AP3B2: variants seen among roughly 807,000 people sequenced by gnomAD.
AP3B2 encodes adaptor related protein complex 3 subunit beta 2.
AP3B2 carries 50 observed loss-of-function variants against 126.9 expected under a neutral mutation model. The ratio of observed to expected loss-of-function variants is 0.39; its 90% CI spans 0.31 to 0.50. AP3B2 has a LOEUF of 0.50. Ranked by LOEUF, AP3B2 falls within the 20% of genes least tolerant of loss-of-function variation. The pLI, the probability that AP3B2 is intolerant of heterozygous loss-of-function variation, is 0.79. For missense variants in AP3B2, 1,177 were observed against 1,426.4 expected (o/e 0.83, Z 2.82); for synonymous variants, 541 against 565.0 (o/e 0.96, Z 0.60).
chr15:82,664,068 G>A lies in AP3B2; in HGVS notation c.2262-93C>T, dbSNP rs1596167649. ...AGAAATGCTGAAAAGCTGGAGTGGT[G>A]TGGGGAGCCTGAGCCAGGAGGGTTC... On this transcript the variant is annotated intron_variant, in intron 19 of 26. Coordinates refer to ENST00000535359, the MANE Select transcript of AP3B2 (RefSeq NM_001278512.2). This position sits in a 1 kb window ranked among gnomAD's most constrained non-coding sequence, Gnocchi z 4.5. The A allele has an allele frequency of 1.3e-6, 2 of 1,486,956 alleles. No individual in the cohort carries two copies. Among genetic ancestry groups the A allele is most frequent in the East Asian group, 2.4e-5 (1 of 41,362 alleles). The allele number at this position is 1,486,956 out of a possible 1,614,324, so 92.1% of individuals were successfully genotyped here. A position where few individuals can be genotyped will look rare whatever the true frequency, so the allele number is the denominator to read the frequency against.
chr15:82,666,716 T>C, intron 15 of AP3B2, 31 bp downstream of exon 15: 1 of 1,605,792 alleles, frequency 6.2e-7, no homozygotes, highest in Non-Finnish European at 8.5e-7. Context: ...TCCATTCCCC[T>C]AGGAAGGTTA....
At chr15:82,683,651 G>C (rs917723143) in intron 4 of AP3B2, among the ~76,000 whole-genome samples, 5 of 152,026 alleles carry the variant, frequency 3.3e-5, no homozygotes, top group African/African-American at 1.2e-4. Context: ...ATCTATAATG[G>C]TAAACCTTTC....
chr15:82,660,824 G>T (rs916648260), intron 25 of AP3B2, among the ~76,000 whole-genome samples: 4 of 152,136 alleles, frequency 2.6e-5, no homozygotes, highest in African/African-American at 9.7e-5. Context: ...CTTTCCAGAA[G>T]TGAGATCCTT....
rs777880981 is a variant in AP3B2 at position 82,664,869 on chromosome 15, C to G, written c.2103G>C (p.Glu701Asp). The G allele has an allele frequency of 1.2e-6, 2 of 1,602,984 alleles. No individual in the cohort carries two copies. Among genetic ancestry groups the G allele is most frequent in the Middle Eastern group, 1.7e-4 (1 of 6,052 alleles). Residue 701 changes from glutamate to aspartate, a missense_variant, in exon 18 of 27, where the codon GAG becomes GAC. Physicochemically the swap from Glu to Asp is conservative, Grantham distance 45. This residue lies in a region of AP3B2 where 587 missense variants were observed against 571.3 expected (regional missense o/e 1.03). Coordinates refer to ENST00000535359, the MANE Select transcript of AP3B2 (RefSeq NM_001278512.2). The surrounding 1 kb of genome is among the most constrained non-coding windows in gnomAD (Gnocchi z 4.5). ...CGGACTCCGTGGGGCCTGACTCCCC[C>G]TCAGAGTCCGAGTAGAAGGGTTTTT... ...EKEKPFYSDS[E>D]GESGPTESAD... is the part of the protein sequence containing the mutation.
At chr15:82,682,948 G>A (rs1401169705) in intron 4 of AP3B2, among the ~76,000 whole-genome samples, 1 of 146,674 alleles carries the variant, frequency 6.8e-6, no homozygotes, top group East Asian at 2.0e-4. Flanking sequence ...ATTGAAGTCA[G>A]TCCTCTTAAA....
chr15:82,707,846 G>A (rs1345339269), intron 1 of AP3B2, among the ~76,000 whole-genome samples: 1 of 151,890 alleles, frequency 6.6e-6, no homozygotes, highest in Non-Finnish European at 1.5e-5. Flanking sequence ...CACAGAATCT[G>A]CCTTCAGCTT....
Position 82,661,918 on chromosome 15 carries a change from G to C in AP3B2, c.2923C>G (p.Gln975Glu), listed in dbSNP as rs369739441. ...ATGGAGACGTAGAACTGTCGGGTCT[G>C]GGTGCTGGGAGGGGTGGGAGGAAAC... Reference protein sequence around the residue: ...TQAANFQLCTQTRQFYVSIQP... With the variant: ...TQAANFQLCTETRQFYVSIQP... Residue 975 changes from glutamine (Q) to glutamate (E), a missense_variant, in exon 25 of 27, where the codon CAG (glutamine) becomes GAG (glutamate). Physicochemically the swap from Gln to Glu is conservative, Grantham distance 29 (BLOSUM62 2). Around this residue, in one of 5 missense-constraint regions of AP3B2, gnomAD observed 587 missense variants for 571.3 expected, o/e 1.03. Coordinates refer to ENST00000535359, the MANE Select transcript of AP3B2 (RefSeq NM_001278512.2). 119 of 1,613,606 alleles carry C rather than the reference G, an allele frequency of 7.4e-5. No homozygotes were observed. Among genetic ancestry groups the C allele is most frequent in the Non-Finnish European group, 8.7e-5 (103 of 1,179,784 alleles).
chr15:82,681,114 T>C lies in AP3B2; in HGVS notation c.586A>G (p.Thr196Ala). Residue 196 changes from threonine to alanine, a missense_variant and splice_region_variant, in exon 6 of 27, where the codon ACG (threonine) becomes GCG (alanine). Coordinates refer to ENST00000535359, the MANE Select transcript of AP3B2 (RefSeq NM_001278512.2). The surrounding 1 kb of genome is among the most constrained non-coding windows in gnomAD (Gnocchi z 4.0). ...VIEKLLADKT[T>A]LVAGSVVMAF... ...CCGGAGCGCCCCTATACACGCACCGTGGTCTTGTCAGCCAGAAGCTTCTCA... is the reference window on the plus strand; with the variant it reads ...CCGGAGCGCCCCTATACACGCACCGCGGTCTTGTCAGCCAGAAGCTTCTCA... 6.2e-7 allele frequency: 1 copy of C among 1,613,578 alleles called. No homozygotes were observed. The highest frequency in any genetic ancestry group is 8.5e-7 in the Non-Finnish European group (1 of 1,179,720).
At chr15:82,708,853 T>G (rs1363508125) in intron 1 of AP3B2, 1 of 152,502 alleles carries the variant, frequency 6.6e-6, no homozygotes, top group Non-Finnish European at 1.5e-5. Flanking sequence ...CACTCGACTG[T>G]CCCTGACTGC....
intron 4 of AP3B2, chr15:82,686,263 A>C (rs993351611): frequency 2.0e-5 from 3 of 152,222 alleles, no homozygotes; most frequent in African/African-American, 7.2e-5. Context: ...TGCCAGTCAG[A>C]GGTTTGATTC....
At position 82,664,862 on chromosome 15, in the gene AP3B2, A is replaced by G; in HGVS notation, c.2110T>C (p.Ser704Pro). The stretch of plus-strand genomic sequence containing the variant: ...CTGTCTGCGGACTCCGTGGGGCCTG[A>G]CTCCCCCTCAGAGTCCGAGTAGAAG... The part of the protein sequence containing the change: ...KPFYSDSEGE[S>P]GPTESADSDP... Residue 704 changes from serine (S) to proline (P), a missense_variant, in exon 18 of 27, where the codon TCA becomes CCA. Coordinates refer to ENST00000535359, the MANE Select transcript of AP3B2 (RefSeq NM_001278512.2). The surrounding 1 kb of genome is among the most constrained non-coding windows in gnomAD (Gnocchi z 4.5). 6.3e-7 allele frequency: 1 copy of G among 1,599,800 alleles called. No homozygotes were observed. Among genetic ancestry groups the G allele is most frequent in the Non-Finnish European group, 8.5e-7 (1 of 1,173,334 alleles).
chr15:82,696,151 T>TA (rs2048625984), intron 1 of AP3B2, among the ~76,000 whole-genome samples: 1 of 152,196 alleles, frequency 6.6e-6, no homozygotes, highest in South Asian at 2.1e-4. Context: ...CATTTTAACT[T>TA]AATCACCTCA....
Position 82,665,439 on chromosome 15 carries a change from A to G in AP3B2, c.1971+18T>C, listed in dbSNP as rs1379970864. 3.9e-6 allele frequency: 6 copies of G among 1,533,056 alleles called. No individual in the cohort carries two copies. In the African/African-American group the frequency reaches 4.6e-5, roughly 12 times the overall value. The allele number at this position is 1,533,056 out of a possible 1,614,324, so 95.0% of individuals were successfully genotyped here. A position where few individuals can be genotyped will look rare whatever the true frequency, so the allele number is the denominator to read the frequency against. ...CACACACACACACACACACACTTCA[A>G]CCCTCCACCCCGCTGACCTCCACGT... is the stretch of plus-strand genomic sequence containing the variant. On this transcript the variant is annotated intron_variant, in intron 16 of 26. Coordinates refer to ENST00000535359, the MANE Select transcript of AP3B2 (RefSeq NM_001278512.2). The surrounding 1 kb of genome is among the most constrained non-coding windows in gnomAD (Gnocchi z 4.4).
At chr15:82,679,877 C>T (rs2048304225) in intron 9 of AP3B2, 77 bp from the exon 10 acceptor site, 1 of 1,347,314 alleles carries the variant, frequency 7.4e-7, no homozygotes, top group African/African-American at 1.4e-5. Flanking sequence ...CCCCTCCTAT[C>T]CTGACCCAGC....
intron 1 of AP3B2, chr15:82,691,837 A>G: frequency 1.5e-6 from 2 of 1,364,324 alleles, no homozygotes; most frequent in South Asian, 2.3e-5. Context: ...TGCTTCTCTC[A>G]GGATAAACTC....
At position 82,709,701 on chromosome 15, in the gene AP3B2, C is replaced by G; in HGVS notation, c.6G>C (p.Ser2=). The change falls in exon 1 of 27, where the codon TCG becomes TCC. Residue 2 remains serine (S), a synonymous_variant. Transcript: ENST00000535359. ...TGTCTTCGCTGTAGGCGGGGGCGGC[C>G]GACATGGGGCGGCCAGGGAGACTTC... M[S]AAPAYSEDKG... 1 of 1,483,682 alleles carries G rather than the reference C, an allele frequency of 6.7e-7. No individual in the cohort carries two copies. Among genetic ancestry groups the G allele is most frequent in the South Asian group, 1.3e-5 (1 of 79,318 alleles). 91.9% of individuals were successfully genotyped at this position (1,483,682 alleles called of 1,614,324 possible).
chr15:82,684,087 G>A (rs2048387809), intron 4 of AP3B2, among the ~76,000 whole-genome samples: 1 of 152,174 alleles, frequency 6.6e-6, no homozygotes, highest in Admixed American at 6.5e-5. Context: ...AATGGTCATT[G>A]AGCACTGGCC....
chr15:82,687,410 T>A (rs1434806276), intron 4 of AP3B2: 3 of 152,192 alleles, frequency 2.0e-5, no homozygotes, highest in African/African-American at 7.2e-5. Flanking sequence ...GAGCTCTGGT[T>A]TTCTAAAAGG....
rs376018454 is a variant in AP3B2 at position 82,659,896 on chromosome 15, G to T, written c.3104C>A (p.Thr1035Asn). 41 of 1,613,892 alleles carry T rather than the reference G, an allele frequency of 2.5e-5. No individual in the cohort carries two copies. The highest frequency in any genetic ancestry group is 1.2e-5 in the Non-Finnish European group (14 of 1,179,888). The change falls in exon 26 of 27, where the codon ACT (threonine) becomes AAT (asparagine). Residue 1035 changes from threonine (T) to asparagine (N), a missense_variant. Around this residue, in one of 5 missense-constraint regions of AP3B2, gnomAD observed 587 missense variants for 571.3 expected, o/e 1.03. Transcript: ENST00000535359. ...RSDHIVVQKVTATANLGRVPC... is the reference protein window; with the variant it reads ...RSDHIVVQKVNATANLGRVPC... ...AACACGACCCAGGTTGGCAGTGGCA[G>T]TCACTTTCTGCACCACAATGTGGTC...
Sources: allele counts gnomAD v4.1 joint callset (sites outside exome capture counted in the v4.1 genomes callset), GRCh38; gene constraint gnomAD v4.1.1; regional missense constraint gnomAD v4.1.1; non-coding constraint Gnocchi (gnomAD v3.1); transcripts MANE v1.5; gene names NCBI Gene and HGNC (gene_info 2026-07-23, HGNC 2026-07-21).